GPR35: variants seen among roughly 807,000 people sequenced by gnomAD.
GPR35 encodes the protein G protein-coupled receptor 35.
For missense variants in GPR35, 372 were observed against 422.5 expected, an observed-to-expected ratio of 0.88 and a Z score of 1.05; for synonymous variants, 207 against 198.4, an observed-to-expected ratio of 1.04 and a Z score of -0.36.
intron 2 of GPR35, chr2:240,607,564 G>A (rs1008624559): frequency 6.6e-6 from 1 of 152,094 alleles, no homozygotes; most frequent in Non-Finnish European, 1.5e-5. Flanking sequence ...TTTCCCACTT[G>A]TGCCTAGGTA....
At chr2:240,620,505 T>C (rs1365902871), upstream of GPR35, among the ~76,000 whole-genome samples, 1 of 152,004 alleles carries the variant, frequency 6.6e-6, no homozygotes, top group Non-Finnish European at 1.5e-5. Context: ...TGGGTGCGAC[T>C]TGCAGCCCCT....
chr2:240,619,755 G>A (rs917354838), intron 5 of GPR35, among the ~76,000 whole-genome samples: 5 of 152,230 alleles, frequency 3.3e-5, no homozygotes, highest in South Asian at 2.1e-4. Context: ...CCCAACCGGA[G>A]GTCTCCCCAG....
At chr2:240,614,328 T>G (rs889059913) in intron 2 of GPR35, among the ~76,000 whole-genome samples, 1 of 152,232 alleles carries the variant, frequency 6.6e-6, no homozygotes, top group Non-Finnish European at 1.5e-5. Context: ...ATTCTAACCC[T>G]AACTCCAATC....
rs1483538318 is a variant in GPR35, at chr2:240,629,806, T to G, written c.-4-143T>G. 3 of 676,830 alleles carry G rather than the reference T, an allele frequency of 4.4e-6. No homozygotes were observed. In the African/African-American group the frequency reaches 5.4e-5, roughly 12 times the overall value. 41.9% of individuals were successfully genotyped at this position (676,830 alleles called of 1,614,324 possible). On this transcript the variant is annotated intron_variant, in intron 1 of 1. Transcript: ENST00000407714. Reference sequence around the variant, plus strand: ...GGAGTTCTTTACGGCACCCATGCTTTCTTTGAGGAGTTTTGTGTTTGTGGG... The same window carrying G: ...GGAGTTCTTTACGGCACCCATGCTTGCTTTGAGGAGTTTTGTGTTTGTGGG...
upstream of GPR35, among the ~76,000 whole-genome samples, chr2:240,624,661 G>A (rs975415104): frequency 6.6e-6 from 1 of 152,178 alleles, no homozygotes. Context: ...AGAGGCTGTG[G>A]TCAGGGGCTG....
intron 1 of GPR35, among the ~76,000 whole-genome samples, chr2:240,625,860 T>TGTCTCAGAGTGGGGTGAGGCTCTGATGGG (rs2043367376): frequency 2.0e-4 from 1 of 4,934 alleles, no homozygotes; most frequent in Non-Finnish European, 4.3e-4. Flanking sequence ...CTGTGATGGG[T>TGTCTCAGAGTGGGGTGAGGCTCTGATGGG]GTCTCAGAGT....
At chr2:240,628,426 G>C (rs2043401890) in intron 1 of GPR35, 1 of 152,264 alleles carries the variant, frequency 6.6e-6, no homozygotes, top group African/African-American at 2.4e-5. Flanking sequence ...CTCGGGGGAA[G>C]GGCTCCTGAA....
chr2:240,614,582 G>A (rs1383797780), intron 2 of GPR35, among the ~76,000 whole-genome samples: 1 of 152,244 alleles, frequency 6.6e-6, no homozygotes, highest in East Asian at 1.9e-4. Flanking sequence ...GTCCTGAGGA[G>A]GACTCTGCTC....
rs1295902060 is a variant in GPR35, at chr2:240,632,660, A to ATGAGGGTCCATGCCCAG, written c.*1780_*1796dup. Among the ~76,000 whole-genome samples, 2 of 148,600 alleles carry ATGAGGGTCCATGCCCAG rather than the reference A, an allele frequency of 1.3e-5. No homozygotes were observed. Among genetic ancestry groups the ATGAGGGTCCATGCCCAG allele is most frequent in the South Asian group, 2.1e-4 (1 of 4,656 alleles). On this transcript the variant is annotated 3_prime_UTR_variant, in exon 2 of 2. Transcript: ENST00000407714. ...CCATGTCAAGGAGAACCCCATGCCC[A>ATGAGGGTCCATGCCCAG]TGAGGGTCCATGCCCAGTAAGGGCC...
chr2:240,616,626 G>A (rs17846962), intron 3 of GPR35: 4 of 677,776 alleles, frequency 5.9e-6, no homozygotes, highest in African/African-American at 1.8e-5. Flanking sequence ...CAATGATCAC[G>A]AATGTGGCAG....
chr2:240,613,158 C>G (rs921469053), intron 2 of GPR35, among the ~76,000 whole-genome samples: 5 of 152,086 alleles, frequency 3.3e-5, no homozygotes, highest in African/African-American at 7.2e-5. Context: ...CCAGAAGATA[C>G]GCGGAACAGG....
intron 3 of GPR35, chr2:240,616,615 C>T: frequency 1.4e-6 from 1 of 689,766 alleles, no homozygotes; most frequent in Non-Finnish European, 2.6e-6. Flanking sequence ...CCAGCAGCCA[C>T]CAATGATCAC....
intron 3 of GPR35, chr2:240,616,938 A>G: frequency 1.3e-6 from 1 of 772,402 alleles, no homozygotes; most frequent in Non-Finnish European, 2.4e-6. Flanking sequence ...TGGGGTCCTC[A>G]GGCCAGCTGC....
upstream of GPR35, among the ~76,000 whole-genome samples, chr2:240,622,502 T>C (rs918151557): frequency 6.6e-6 from 1 of 152,226 alleles, no homozygotes; most frequent in Admixed American, 6.5e-5. Flanking sequence ...AAACATGAAA[T>C]ACACTAACAC....
At chr2:240,611,967 G>A (rs570774468) in intron 2 of GPR35, among the ~76,000 whole-genome samples, 21 of 152,198 alleles carry the variant, frequency 1.4e-4, no homozygotes, top group African/African-American at 3.4e-4. Flanking sequence ...AGAGGCCAGC[G>A]AAGGAGCAAA....
intron 2 of GPR35, among the ~76,000 whole-genome samples, chr2:240,607,844 T>TTCC (rs935675029): frequency 2.0e-5 from 3 of 151,594 alleles, no homozygotes; most frequent in East Asian, 1.9e-4. Context: ...CCTCCTTCTC[T>TTCC]TCCTCCTCCT....
At chr2:240,629,803 C>A in intron 1 of GPR35, 146 bp from the exon 2 acceptor site, 1 of 665,684 alleles carries the variant, frequency 1.5e-6, no homozygotes, top group South Asian at 1.9e-5. Context: ...GGCACCCATG[C>A]TTTCTTTGAG....
At chr2:240,623,529 G>C (rs923021383), upstream of GPR35, among the ~76,000 whole-genome samples, 1 of 150,810 alleles carries the variant, frequency 6.6e-6, no homozygotes, top group Non-Finnish European at 1.5e-5. Context: ...TGCAGCTTTG[G>C]GGAGAGAGGG....
chr2:240,616,309 G>T, intron 2 of GPR35: 1 of 679,766 alleles, frequency 1.5e-6, no homozygotes. Flanking sequence ...TGCATACGAG[G>T]TCCCCGCGGT....
Sources: gnomAD v4.1 joint callset for allele counts (sites outside exome capture counted in the v4.1 genomes callset) on GRCh38, gnomAD v4.1.1 for gene constraint, MANE v1.5 for transcripts, NCBI Gene and HGNC (gene_info 2026-07-23, HGNC 2026-07-21) for gene names.